CAMTA1: variants seen among roughly 807,000 people sequenced by gnomAD.
CAMTA1 encodes the protein calmodulin-binding transcription activator 1.
A neutral mutation model predicts 170.9 loss-of-function variants in CAMTA1; 27 were observed. The ratio of observed to expected loss-of-function variants is 0.16; its 90% CI spans 0.12 to 0.22. The LOEUF (loss-of-function observed/expected upper bound fraction) is 0.22. Ranked by LOEUF, CAMTA1 falls within the 10% of genes least tolerant of loss-of-function variation. The pLI is 1.00. For synonymous variants in CAMTA1, 833 were observed against 891.5 expected (o/e 0.93, Z 1.17); for missense variants, 1,619 against 2,217.2 (o/e 0.73, Z 5.42).
intron 5 of CAMTA1, among the ~76,000 whole-genome samples, chr1:7,272,466 G>C (rs1669939253): frequency 6.6e-6 from 1 of 151,880 alleles, no homozygotes; most frequent in Non-Finnish European, 1.5e-5. Flanking sequence ...AACAAAGTTG[G>C]AGAACTAAAA....
At chr1:7,110,282 CT>C (rs141512390) in intron 4 of CAMTA1, among the ~76,000 whole-genome samples, 3,093 of 151,366 alleles carry the variant, frequency 0.02, 58 homozygotes, top group African/African-American at 0.052. Flanking sequence ...CCCTTCCCCC[CT>C]TTTTTTTTAA....
rs1205400543 is a variant in CAMTA1 at position 7,561,689 on chromosome 1, A to G, written c.511-78711A>G. Among the ~76,000 whole-genome samples, 1 of 150,860 alleles carries G rather than the reference A, an allele frequency of 6.6e-6. No individual in the cohort carries two copies. Among genetic ancestry groups the G allele is most frequent in the Non-Finnish European group, 1.5e-5 (1 of 67,676 alleles). On this transcript the variant is annotated intron_variant, in intron 6 of 22. Transcript: ENST00000303635. The surrounding 1 kb of genome is among the most constrained non-coding windows in gnomAD (Gnocchi z 5.3). Reference sequence around the variant, plus strand: ...GGCTCCATGATGCCCGTCAGAGGCCACCCCTCCCCAGCCCCCTAGGCCACT... The same window carrying G: ...GGCTCCATGATGCCCGTCAGAGGCCGCCCCTCCCCAGCCCCCTAGGCCACT...
chr1:7,616,059 TA>T (rs1227500579), intron 6 of CAMTA1, among the ~76,000 whole-genome samples: 2 of 152,252 alleles, frequency 1.3e-5, no homozygotes, highest in Non-Finnish European at 2.9e-5. Context: ...ACCACCCTTT[TA>T]AAAGGATGTT....
At chr1:6,858,610 G>C (rs1663412386) in intron 3 of CAMTA1, among the ~76,000 whole-genome samples, 1 of 151,976 alleles carries the variant, frequency 6.6e-6, no homozygotes, top group South Asian at 2.1e-4. Flanking sequence ...TCAGTTAATT[G>C]GTCTGATCCT....
At chr1:7,030,904 G>A (rs768308345) in intron 3 of CAMTA1, among the ~76,000 whole-genome samples, 34 of 150,880 alleles carry the variant, frequency 2.3e-4, no homozygotes, top group Non-Finnish European at 2.4e-4. Context: ...GTGCAATCTC[G>A]GCACACTGCA....
chr1:7,008,233 T>C (rs1572397053), intron 3 of CAMTA1: 1 of 152,248 alleles, frequency 6.6e-6, no homozygotes, highest in Non-Finnish European at 1.5e-5. Context: ...GGGTACACAA[T>C]GCAGAGAAAC....
At chr1:7,336,996 C>A (rs533515718) in intron 5 of CAMTA1, among the ~76,000 whole-genome samples, 1 of 152,228 alleles carries the variant, frequency 6.6e-6, no homozygotes, top group African/African-American at 2.4e-5. Flanking sequence ...GGTCCAGAAG[C>A]CTTTTTGCTT....
At chr1:7,074,452 A>G (rs771037859) in intron 3 of CAMTA1, among the ~76,000 whole-genome samples, 2 of 152,272 alleles carry the variant, frequency 1.3e-5, no homozygotes, top group Non-Finnish European at 2.9e-5. Context: ...AAATTTATCT[A>G]AGGCCTCCTA....
intron 5 of CAMTA1, among the ~76,000 whole-genome samples, chr1:7,297,962 C>T (rs1030325239): frequency 6.6e-6 from 1 of 152,210 alleles, no homozygotes; most frequent in Non-Finnish European, 1.5e-5. Flanking sequence ...GTTTACCATT[C>T]CTTCCCATTC....
At position 7,738,346 on chromosome 1, in the gene CAMTA1, C is replaced by T. The variant is rs1487331062; in HGVS notation, c.4046C>T (p.Ala1349Val). The T allele has an allele frequency of 6.2e-7, 1 of 1,614,182 alleles. No individual in the cohort carries two copies. The highest frequency in any genetic ancestry group is 8.5e-7 in the Non-Finnish European group (1 of 1,180,032). ...GGGACCAGTGTAGGAAAGGAGGCAG[C>T]ACCTTCACAGGTGCGTCCACGGGAA... ...PKGTSVGKEA[A>V]PSQVRPREPM... The change falls in exon 16 of 23, where the codon GCA becomes GTA. Residue 1349 changes from alanine (A) to valine (V), a missense_variant. By Grantham distance (64) the Ala-to-Val change is moderately conservative. This residue lies in a region of CAMTA1 where 370 missense variants were observed against 429.4 expected (regional missense o/e 0.86). Coordinates refer to ENST00000303635, the MANE Select transcript of CAMTA1 (RefSeq NM_015215.4). The surrounding 1 kb of genome is among the most constrained non-coding windows in gnomAD (Gnocchi z 4.9).
intron 6 of CAMTA1, among the ~76,000 whole-genome samples, chr1:7,575,850 C>T (rs2095185033): frequency 6.6e-6 from 1 of 152,168 alleles, no homozygotes; most frequent in African/African-American, 2.4e-5. Flanking sequence ...AAGGAATTTG[C>T]ACTGCCAGGC....
At chr1:7,250,648 T>C (rs1230787768) in intron 5 of CAMTA1, among the ~76,000 whole-genome samples, 1 of 152,236 alleles carries the variant, frequency 6.6e-6, no homozygotes, top group Non-Finnish European at 1.5e-5. Context: ...TTTTTCCGTA[T>C]AAATCATGTG....
chr1:6,862,444 A>G (rs1320249488), intron 3 of CAMTA1, among the ~76,000 whole-genome samples: 2 of 152,236 alleles, frequency 1.3e-5, no homozygotes, highest in Non-Finnish European at 2.9e-5. Context: ...GGGTTGTTTC[A>G]GCCTTTGGGT....
rs1205370164 is a variant in CAMTA1, at chr1:7,173,963, C to T, written c.303-75528C>T. ...GGGGCCCAGCCTTTACCATGGGTTA[C>T]CTTTGACACCAAGGTTCCCCCACCC... On this transcript the variant is annotated intron_variant, in intron 4 of 22. Transcript: ENST00000303635. The surrounding 1 kb of genome is among the most constrained non-coding windows in gnomAD (Gnocchi z 5.4). Among the ~76,000 whole-genome samples the T allele has an allele frequency of 6.6e-6, 1 of 152,126 alleles. No homozygotes were observed. The highest frequency in any genetic ancestry group is 1.5e-5 in the Non-Finnish European group (1 of 68,010).
intron 3 of CAMTA1, among the ~76,000 whole-genome samples, chr1:7,035,984 C>T (rs1276523208): frequency 3.3e-5 from 5 of 152,104 alleles, no homozygotes; most frequent in Non-Finnish European, 5.9e-5. Flanking sequence ...AAGAAATGTA[C>T]AGCACGGTAC....
intron 11 of CAMTA1, among the ~76,000 whole-genome samples, chr1:7,704,537 G>A (rs1484142296): frequency 6.7e-6 from 1 of 148,178 alleles, no homozygotes; most frequent in African/African-American, 2.4e-5. Flanking sequence ...CGTCCAGCGC[G>A]GCTCGGGCGC....
At chr1:6,818,089 C>T (rs1257067667) in intron 1 of CAMTA1, among the ~76,000 whole-genome samples, 1 of 152,170 alleles carries the variant, frequency 6.6e-6, no homozygotes, top group Non-Finnish European at 1.5e-5. Flanking sequence ...GTAATTCCAG[C>T]ATTTTGGGAG....
chr1:6,902,762 A>G (rs1218037754), intron 3 of CAMTA1, among the ~76,000 whole-genome samples: 1 of 152,260 alleles, frequency 6.6e-6, no homozygotes, highest in Non-Finnish European at 1.5e-5. Flanking sequence ...AACCACAGTG[A>G]GATGCCATCT....
rs1238004338 is a variant in CAMTA1, at chr1:7,014,540, G to A, written c.235-76764G>A. ...TGGCTGCAGGGACTGAGGCCTTTCT[G>A]TAACTAAAGCCCAGCCCAAGTATAG... On this transcript the variant is annotated intron_variant, in intron 3 of 22. Coordinates refer to ENST00000303635, the MANE Select transcript of CAMTA1 (RefSeq NM_015215.4). The surrounding 1 kb of genome is among the most constrained non-coding windows in gnomAD (Gnocchi z 4.2). Among the ~76,000 whole-genome samples, 8 of 152,226 alleles carry A rather than the reference G, an allele frequency of 5.3e-5. No homozygotes were observed.
Sources: allele counts gnomAD v4.1 joint callset (sites outside exome capture counted in the v4.1 genomes callset), GRCh38; gene constraint gnomAD v4.1.1; regional missense constraint gnomAD v4.1.1; non-coding constraint Gnocchi (gnomAD v3.1); transcripts MANE v1.5; gene names NCBI Gene and HGNC (gene_info 2026-07-23, HGNC 2026-07-21).